Variants in NRXN3 observed in about 807,000 individuals in gnomAD.
NRXN3 encodes the protein neurexin III.
A neutral mutation model predicts 137.6 loss-of-function variants in NRXN3; 32 were observed. The ratio of observed to expected loss-of-function variants is 0.23; its 90% CI spans 0.18 to 0.31. NRXN3 has a LOEUF of 0.31. Ranked by LOEUF, NRXN3 falls within the 10% of genes least tolerant of loss-of-function variation. The pLI is 1.00. For missense variants in NRXN3, 1,574 were observed against 2,062.5 expected, an observed-to-expected ratio of 0.76 and a Z score of 4.59; for synonymous variants, 798 against 784.5, an observed-to-expected ratio of 1.02 and a Z score of -0.29.
chr14:79,251,803 CTCTTTTCTTTTTGTT>C (rs1361321274), intron 15 of NRXN3, among the ~76,000 whole-genome samples: 34 of 151,882 alleles, frequency 2.2e-4, no homozygotes, highest in African/African-American at 8.2e-4. Context: ...CTTTTATTCT[CTCTTTTCTTTTTGTT>C]TCTTTTCTTT....
chr14:78,819,655 G>C (rs2098944958), intron 10 of NRXN3, among the ~76,000 whole-genome samples: 1 of 152,222 alleles, frequency 6.6e-6, no homozygotes, highest in Non-Finnish European at 1.5e-5. Context: ...AATTTAAATG[G>C]AAACTGGGCC....
chr14:79,532,662 G>A (rs958064417), intron 16 of NRXN3, among the ~76,000 whole-genome samples: 2 of 152,084 alleles, frequency 1.3e-5, no homozygotes, highest in African/African-American at 4.8e-5. Flanking sequence ...ATAGGTCTTT[G>A]TATCAGGCAC....
chr14:78,503,595 G>T (rs924519180), intron 4 of NRXN3, among the ~76,000 whole-genome samples: 2 of 152,184 alleles, frequency 1.3e-5, no homozygotes, highest in African/African-American at 4.8e-5. Context: ...TTTGAGGTAT[G>T]TGTAGGTTAG....
At chr14:78,253,392 G>A (rs1445083220) in intron 2 of NRXN3, among the ~76,000 whole-genome samples, 1 of 152,218 alleles carries the variant, frequency 6.6e-6, no homozygotes, top group Non-Finnish European at 1.5e-5. Context: ...TATCATGGGA[G>A]TCTGGGCGCT....
intron 15 of NRXN3, among the ~76,000 whole-genome samples, chr14:79,321,805 T>C (rs550007775): frequency 1.9e-4 from 29 of 149,166 alleles, no homozygotes; most frequent in African/African-American, 6.8e-4. Flanking sequence ...AATATACTTA[T>C]ATAAGCTACT....
chr14:78,998,374 G>C (rs1258904801), intron 15 of NRXN3, among the ~76,000 whole-genome samples: 2 of 152,120 alleles, frequency 1.3e-5, no homozygotes, highest in Non-Finnish European at 2.9e-5. Flanking sequence ...CTTTACATCA[G>C]TCCCAGAGTG....
At chr14:78,666,161 A>G (rs756049209) in intron 6 of NRXN3, among the ~76,000 whole-genome samples, 12 of 152,236 alleles carry the variant, frequency 7.9e-5, no homozygotes, top group Non-Finnish European at 1.6e-4. Flanking sequence ...TTTTAAGGGC[A>G]TGCTACAGTA....
At chr14:78,704,345 A>G (rs1160971275) in intron 6 of NRXN3, among the ~76,000 whole-genome samples, 1 of 152,146 alleles carries the variant, frequency 6.6e-6, no homozygotes, top group Non-Finnish European at 1.5e-5. Context: ...GAAATTCTCA[A>G]ATGGATTTGA....
rs150248745 is a variant in NRXN3, at chr14:78,445,516, T to C, written c.757+147656T>C. Among the ~76,000 whole-genome samples the C allele has an allele frequency of 4.3e-3, 653 of 152,286 alleles. 10 individuals are homozygous for C. The highest frequency in any genetic ancestry group is 4.3e-3 in the Non-Finnish European group (291 of 68,020). On this transcript the variant is annotated intron_variant, in intron 4 of 20. Coordinates refer to ENST00000335750, the MANE Select transcript of NRXN3 (RefSeq NM_001330195.2). ...GAGCTTTGGTGGCTGTCTCTGTATG[T>C]GCACTGGGTGGAGAAATGAGTGTGG...
At chr14:78,471,878 G>A (rs534737745) in intron 4 of NRXN3, among the ~76,000 whole-genome samples, 1 of 152,270 alleles carries the variant, frequency 6.6e-6, no homozygotes, top group East Asian at 1.9e-4. Flanking sequence ...TGGTGAACTG[G>A]GCTGCACCAC....
At chr14:79,547,018 T>G (rs1401654307) in intron 16 of NRXN3, among the ~76,000 whole-genome samples, 1 of 152,162 alleles carries the variant, frequency 6.6e-6, no homozygotes, top group African/African-American at 2.4e-5. Context: ...GTCCCCTAAC[T>G]TACCAACTTC....
intron 16 of NRXN3, among the ~76,000 whole-genome samples, chr14:79,470,888 A>AAGAG (rs199926307): frequency 4.4e-5 from 5 of 114,162 alleles, no homozygotes; most frequent in African/African-American, 1.7e-4. Flanking sequence ...GAGAGAGAGA[A>AAGAG]AGAGAGAGAG....
intron 6 of NRXN3, among the ~76,000 whole-genome samples, chr14:78,707,593 G>T (rs928713636): frequency 6.6e-6 from 1 of 152,146 alleles, no homozygotes; most frequent in Admixed American, 6.5e-5. Flanking sequence ...GGGTTCAGGT[G>T]GTGTTTGGTT....
chr14:79,164,138 T>C (rs570843445), intron 15 of NRXN3, among the ~76,000 whole-genome samples: 8 of 151,938 alleles, frequency 5.3e-5, no homozygotes, highest in Admixed American at 1.3e-4. Context: ...GTATTGCTCT[T>C]TAGACCTGTC....
intron 1 of NRXN3, among the ~76,000 whole-genome samples, chr14:78,205,752 A>G (rs773290446): frequency 3.3e-5 from 5 of 151,958 alleles, no homozygotes; most frequent in Non-Finnish European, 5.9e-5. Flanking sequence ...CAGAGTTTGG[A>G]CTCCATGTTG....
intron 4 of NRXN3, among the ~76,000 whole-genome samples, chr14:78,563,708 T>G (rs74064313): frequency 0.01 from 1,548 of 152,288 alleles, 24 homozygotes; most frequent in African/African-American, 0.036. Context: ...TATCAAGAAA[T>G]AAGACCTAGG....
chr14:78,678,185 A>C (rs1159387086), intron 6 of NRXN3, among the ~76,000 whole-genome samples: 1 of 152,138 alleles, frequency 6.6e-6, no homozygotes, highest in Non-Finnish European at 1.5e-5. Context: ...TGAGTGTTCA[A>C]AATTTATATA....
chr14:78,926,757 A>G (rs1462454067), intron 10 of NRXN3, among the ~76,000 whole-genome samples: 4 of 48,976 alleles, frequency 8.2e-5, no homozygotes, highest in African/African-American at 3.7e-4. Context: ...TATATTATAT[A>G]TATATTATAT....
rs542533590 is a variant in NRXN3 at position 79,604,256 on chromosome 14, A to G, written c.3445-59522A>G. On this transcript the variant is annotated intron_variant, in intron 16 of 20. Coordinates refer to ENST00000335750, the MANE Select transcript of NRXN3 (RefSeq NM_001330195.2). ...TTGTTTCTTTGTTTGTTTGTTTGAGATGGAGTTTCACTCTGTCACCGAGGC... is the reference window on the plus strand; with the variant it reads ...TTGTTTCTTTGTTTGTTTGTTTGAGGTGGAGTTTCACTCTGTCACCGAGGC... 3.5e-3 allele frequency among the ~76,000 whole-genome samples: 538 copies of G among 151,892 alleles called. 1 individual carries two copies. Among genetic ancestry groups the G allele is most frequent in the African/African-American group, 0.013 (522 of 41,388 alleles).
Sources: gnomAD v4.1 joint callset for allele counts (sites outside exome capture counted in the v4.1 genomes callset) on GRCh38, gnomAD v4.1.1 for gene constraint, MANE v1.5 for transcripts, NCBI Gene and HGNC (gene_info 2026-07-23, HGNC 2026-07-21) for gene names.